The following ME1 variants were observed in gnomAD, a reference collection of about 807,000 sequenced individuals.
ME1 encodes malic enzyme 1, also known as NADP-dependent malic enzyme.
In ME1, 74 loss-of-function variants were observed where a neutral mutation model predicts 66.4. The observed-to-expected ratio is 1.11, with a 90% CI of 0.92 to 1.35. The LOEUF is 1.35. Ranked by LOEUF, ME1 falls within the 40% of genes most tolerant of loss-of-function variation. ME1 has a pLI of 0.00. For missense variants in ME1, 750 were observed against 694.1 expected (o/e 1.08, Z -0.90); for synonymous variants, 251 against 235.6 (o/e 1.07, Z -0.60).
chr6:83,310,180 G>A (rs558415121), intron 6 of ME1, among the ~76,000 whole-genome samples: 2 of 152,230 alleles, frequency 1.3e-5, no homozygotes, highest in South Asian at 4.1e-4. Context: ...GCTGCAAAGA[G>A]TCGTTTCACC....
chr6:83,311,031 C>T (rs892769210), intron 6 of ME1, among the ~76,000 whole-genome samples: 12 of 152,232 alleles, frequency 7.9e-5, no homozygotes, highest in East Asian at 5.8e-4. Flanking sequence ...CCAGAGCTTT[C>T]GCATCTCACA....
At chr6:83,225,838 C>A (rs371269597) in intron 11 of ME1, among the ~76,000 whole-genome samples, 8 of 116,316 alleles carry the variant, frequency 6.9e-5, no homozygotes, top group Non-Finnish European at 1.6e-4. Flanking sequence ...ATATATATAT[C>A]TCCCCCACTC....
At chr6:83,320,402 C>T (rs1215901189) in intron 5 of ME1, among the ~76,000 whole-genome samples, 2 of 152,186 alleles carry the variant, frequency 1.3e-5, no homozygotes, top group African/African-American at 2.4e-5. Context: ...ATATATCTTA[C>T]TTATAATGTA....
At chr6:83,411,452 C>G (rs541691864) in intron 1 of ME1, among the ~76,000 whole-genome samples, 5 of 151,732 alleles carry the variant, frequency 3.3e-5, no homozygotes, top group Non-Finnish European at 7.4e-5. Context: ...AATAAGTAAA[C>G]TTAAATCTTA....
intron 5 of ME1, among the ~76,000 whole-genome samples, chr6:83,322,129 T>A (rs897830101): frequency 6.6e-6 from 1 of 151,906 alleles, no homozygotes; most frequent in Non-Finnish European, 1.5e-5. Context: ...AGGACAACCA[T>A]GCAAAAACCC....
chr6:83,392,744 C>T (rs537544913), intron 3 of ME1: 390 of 645,462 alleles, frequency 6.0e-4, no homozygotes, highest in Non-Finnish European at 9.6e-4. Context: ...AAGGCTGGGG[C>T]TCACTTGGAG....
At chr6:83,249,097 G>A (rs564193475) in intron 7 of ME1, among the ~76,000 whole-genome samples, 43 of 152,042 alleles carry the variant, frequency 2.8e-4, no homozygotes, top group African/African-American at 9.9e-4. Flanking sequence ...AAAGAATTTG[G>A]GGAAAAGAAA....
chr6:83,243,048 A>T (rs1790536428), intron 7 of ME1, among the ~76,000 whole-genome samples: 1 of 151,920 alleles, frequency 6.6e-6, no homozygotes, highest in Non-Finnish European at 1.5e-5. Flanking sequence ...GCTTGAACCC[A>T]GGGATTTGAG....
rs746037012 is a variant in ME1, at chr6:83,349,015, A to AAAAAAAAAAAAAC, written c.439-2682_439-2681insGTTTTTTTTTTTT. Among the ~76,000 whole-genome samples, 56 of 124,062 alleles carry AAAAAAAAAAAAAC rather than the reference A, an allele frequency of 4.5e-4. 7 individuals carry two copies. The highest frequency in any genetic ancestry group is 1.6e-3 in the African/African-American group (52 of 32,270). The allele number at this position is 124,062 out of a possible 152,430, so 81.4% of individuals were successfully genotyped here. A position where few individuals can be genotyped will look rare whatever the true frequency, so the allele number is the denominator to read the frequency against. ...AAAAAAAAAAAACAAAAAACAAAAAACAGTGCATTCTTTCTTATTTCTTCA... is the reference window on the plus strand; with the variant it reads ...AAAAAAAAAAAACAAAAAACAAAAAAAAAAAAAAAAAACCAGTGCATTCTTTCTTATTTCTTCA... On this transcript the variant is annotated intron_variant, in intron 4 of 13. Coordinates refer to ENST00000369705, the MANE Select transcript of ME1 (RefSeq NM_002395.6).
rs1435429189 is a variant in ME1, at chr6:83,293,142, G to A, written c.704+22168C>T. On this transcript the variant is annotated intron_variant, in intron 6 of 13. Transcript: ENST00000369705. ...TGCCCTGCTTCAGCTTGCCCTCTGT[G>A]GGCTGCACCCACTGTCCAACCAGTC... 1.3e-5 allele frequency among the ~76,000 whole-genome samples: 2 copies of A among 152,092 alleles called. 1 individual carries two copies. The highest frequency in any genetic ancestry group is 2.9e-5 in the Non-Finnish European group (2 of 68,024).
At chr6:83,353,165 T>C (rs935953397) in intron 3 of ME1, among the ~76,000 whole-genome samples, 2 of 152,228 alleles carry the variant, frequency 1.3e-5, no homozygotes, top group African/African-American at 4.8e-5. Flanking sequence ...TTCTGTATTC[T>C]TGGAAAATTG....
At position 83,373,401 on chromosome 6, in the gene ME1, A is replaced by C. The variant is rs1583406131; in HGVS notation, c.363-21262T>G. Among the ~76,000 whole-genome samples, 3 of 152,158 alleles carry C rather than the reference A, an allele frequency of 2.0e-5. No homozygotes were observed. The East Asian group carries it at 5.8e-4, about 30-fold the overall frequency. On this transcript the variant is annotated intron_variant, in intron 3 of 13. Coordinates refer to ENST00000369705, the MANE Select transcript of ME1 (RefSeq NM_002395.6). ...CAGGTAGGTGCCAACAAGCCCAGCT[A>C]ATTTTGTATTTTTAGTAGAGATGGG...
intron 5 of ME1, among the ~76,000 whole-genome samples, chr6:83,331,386 A>T (rs9294273): frequency 0.058 from 8,811 of 151,892 alleles, 479 homozygotes; most frequent in African/African-American, 0.14. Flanking sequence ...TCCGGAGTTT[A>T]AGACCAGCCT....
At chr6:83,225,133 C>T (rs1790167058) in intron 11 of ME1, among the ~76,000 whole-genome samples, 1 of 130,484 alleles carries the variant, frequency 7.7e-6, no homozygotes, top group Non-Finnish European at 1.6e-5. Flanking sequence ...AACTGGGAGG[C>T]GGAGGTTGCA....
chr6:83,426,057 C>A lies in ME1; in HGVS notation c.78+4820G>T, dbSNP rs145413978. ...TCAGCCCTCTCTTGCTCCTTCTCACCCTCTACCATCTTGCCTTCCGCCATG... is the reference window on the plus strand; with the variant it reads ...TCAGCCCTCTCTTGCTCCTTCTCACACTCTACCATCTTGCCTTCCGCCATG... On this transcript the variant is annotated intron_variant, in intron 1 of 13. Coordinates refer to ENST00000369705, the MANE Select transcript of ME1 (RefSeq NM_002395.6). 4.5e-3 allele frequency among the ~76,000 whole-genome samples: 685 copies of A among 152,260 alleles called. 1 individual carries two copies. Among genetic ancestry groups the A allele is most frequent in the Middle Eastern group, 0.027 (8 of 294 alleles).
At chr6:83,235,470 A>AT (rs10691116) in intron 9 of ME1, among the ~76,000 whole-genome samples, 7,195 of 128,140 alleles carry the variant, frequency 0.056, 767 homozygotes, top group African/African-American at 0.19. Flanking sequence ...AGCAATAGCT[A>AT]TTTTTTTTTT....
chr6:83,238,805 T>C (rs1213417339), intron 8 of ME1, among the ~76,000 whole-genome samples: 1 of 148,742 alleles, frequency 6.7e-6, no homozygotes, highest in African/African-American at 2.4e-5. Flanking sequence ...GAAAAATATA[T>C]ATATATATAT....
chr6:83,330,260 T>C (rs1768378686), intron 5 of ME1, among the ~76,000 whole-genome samples: 1 of 152,196 alleles, frequency 6.6e-6, no homozygotes, highest in Non-Finnish European at 1.5e-5. Context: ...ATTATTTTCT[T>C]TGTTACCATT....
At chr6:83,330,823 T>C (rs2128542053) in intron 5 of ME1, among the ~76,000 whole-genome samples, 1 of 152,306 alleles carries the variant, frequency 6.6e-6, no homozygotes, top group African/African-American at 2.4e-5. Flanking sequence ...TATTAAGATC[T>C]TCTAATTTAG....
Sources: gnomAD v4.1 joint callset for allele counts (sites outside exome capture counted in the v4.1 genomes callset) on GRCh38, gnomAD v4.1.1 for gene constraint, MANE v1.5 for transcripts, NCBI Gene and HGNC (gene_info 2026-07-23, HGNC 2026-07-21) for gene names.